The following AAMDC variants were observed in gnomAD, a reference collection of about 807,000 sequenced individuals.
AAMDC encodes adipogenesis associated Mth938 domain containing.
Under a neutral mutation model 15.5 loss-of-function variants are expected in AAMDC, and 16 were observed. That is an observed-to-expected ratio of 1.03 (90% CI 0.70 to 1.57). The LOEUF (loss-of-function observed/expected upper bound fraction) is 1.57, where lower values mean the gene tolerates loss of function less well. AAMDC is among the 40% of genes most tolerant of loss of function. AAMDC has a pLI of 0.00. For missense variants in AAMDC, 141 were observed against 144.9 expected (o/e 0.97, Z 0.14); for synonymous variants, 51 against 51.6 (o/e 0.99, Z 0.05).
chr11:77,893,728 A>C (rs1158416079), intron 5 of AAMDC, among the ~76,000 whole-genome samples: 1 of 152,022 alleles, frequency 6.6e-6, no homozygotes, highest in Non-Finnish European at 1.5e-5. Context: ...CCCCGTCTCT[A>C]CTAAAAATAC....
In AAMDC at chr11:77,887,054, C is replaced by T. The variant is rs551281423; in HGVS notation, c.328+10005C>T. Among the ~76,000 whole-genome samples the T allele has an allele frequency of 2.4e-3, 367 of 151,896 alleles. 2 individuals carry two copies. Among genetic ancestry groups the T allele is most frequent in the African/African-American group, 8.7e-3 (362 of 41,440 alleles). On this transcript the variant is annotated intron_variant, in intron 5 of 5. Coordinates refer to the AAMDC transcript ENST00000304716. The stretch of plus-strand genomic sequence containing the variant: ...ATTAAAAGAACTAGAAAAGCAAGAG[C>T]AAACACATTCAAAAGCTAGCAGAAG...
rs549185017 is a variant in AAMDC, at chr11:77,834,778, G to A, written c.-18-7701G>A. Among the ~76,000 whole-genome samples the A allele has an allele frequency of 2.0e-3, 302 of 152,228 alleles. 1 individual carries two copies. Among genetic ancestry groups the A allele is most frequent in the Non-Finnish European group, 3.5e-3 (236 of 68,022 alleles). Reference sequence around the variant, plus strand: ...AAAGACTGAATAAGTACTTGCAGAAGAATGTTTCTAGTATCAAGATAAGGA... The same window carrying A: ...AAAGACTGAATAAGTACTTGCAGAAAAATGTTTCTAGTATCAAGATAAGGA... On this transcript the variant is annotated intron_variant, in intron 1 of 3. Transcript: ENST00000393427.
chr11:77,882,269 A>G (rs1414105215), intron 5 of AAMDC, among the ~76,000 whole-genome samples: 3 of 152,106 alleles, frequency 2.0e-5, no homozygotes, highest in Non-Finnish European at 2.9e-5. Context: ...CAAAACAAGG[A>G]AGTCTGCAAT....
intron 2 of AAMDC, among the ~76,000 whole-genome samples, chr11:77,867,481 C>T (rs1951171346): frequency 6.6e-6 from 1 of 152,202 alleles, no homozygotes; most frequent in Admixed American, 6.5e-5. Flanking sequence ...CTGAATGAAA[C>T]TCCATGGAAC....
chr11:77,851,378 A>G (rs1305950193), intron 2 of AAMDC: 2 of 152,222 alleles, frequency 1.3e-5, no homozygotes, highest in African/African-American at 4.8e-5. Flanking sequence ...CTTCTGCTCA[A>G]GACAGTTCTT....
chr11:77,870,184 AT>A lies in AAMDC; in HGVS notation c.228+381del, dbSNP rs1180735263. 9.3e-4 allele frequency: 134 copies of A among 143,452 alleles called. 1 individual carries two copies. Among genetic ancestry groups the A allele is most frequent in the Middle Eastern group, 3.5e-3 (1 of 286 alleles). 8.9% of individuals were successfully genotyped at this position (143,452 alleles called of 1,614,324 possible). A position where few individuals can be genotyped will look rare whatever the true frequency, so the allele number is the denominator to read the frequency against. On this transcript the variant is annotated intron_variant, in intron 3 of 3. Coordinates refer to ENST00000393427, the MANE Select transcript of AAMDC (RefSeq NM_024684.4). The stretch of plus-strand genomic sequence containing the variant: ...CCTCTTCAGAAAAAAATTTAATTTA[AT>A]TTTTTTTTTTTTTAAATATAGATGG...
chr11:77,831,378 A>G (rs1949417951), intron 1 of AAMDC, among the ~76,000 whole-genome samples: 1 of 152,220 alleles, frequency 6.6e-6, no homozygotes. Context: ...TGTCCATGAA[A>G]AAATTTTTAC....
chr11:77,852,105 A>T (rs563104376), intron 2 of AAMDC, among the ~76,000 whole-genome samples: 7 of 151,480 alleles, frequency 4.6e-5, no homozygotes, highest in Non-Finnish European at 8.8e-5. Flanking sequence ...AGTGGCTCAC[A>T]TCTGTAATCC....
chr11:77,905,646 A>C (rs1347206503), downstream of AAMDC, among the ~76,000 whole-genome samples: 1 of 152,206 alleles, frequency 6.6e-6, no homozygotes, highest in Non-Finnish European at 1.5e-5. Context: ...GCATTTGTGA[A>C]AGATAAAATT....
intron 5 of AAMDC, among the ~76,000 whole-genome samples, chr11:77,880,136 A>G (rs958706427): frequency 6.6e-6 from 1 of 152,232 alleles, no homozygotes; most frequent in African/African-American, 2.4e-5. Flanking sequence ...TGTCTCCTTA[A>G]TTTGGTGCAA....
Position 77,821,198 on chromosome 11 carries a change from A to C in AAMDC, c.-62A>C, listed in dbSNP as rs1948880608. On this transcript the variant is annotated 5_prime_UTR_variant, in exon 1 of 4. Coordinates refer to ENST00000393427, the MANE Select transcript of AAMDC (RefSeq NM_024684.4). ...CTGGGAGCGTAAGTGCGGGCAGAGC[A>C]CTGCGCCGTTTGGGAACGCAACTTT... 3.1e-6 allele frequency: 1 copy of C among 325,484 alleles called. No individual in the cohort carries two copies. The highest frequency in any genetic ancestry group is 2.1e-5 in the African/African-American group (1 of 47,072). The allele number at this position is 325,484 out of a possible 1,614,324, so 20.2% of individuals were successfully genotyped here.
intron 1 of AAMDC, among the ~76,000 whole-genome samples, chr11:77,840,250 A>G (rs2136125558): frequency 6.6e-6 from 1 of 152,268 alleles, no homozygotes; most frequent in East Asian, 1.9e-4. Flanking sequence ...AATTAAAAGT[A>G]TCTTTAAGTG....
At chr11:77,869,876 C>G in intron 3 of AAMDC, 59 bp downstream of exon 3, 1 of 1,522,074 alleles carries the variant, frequency 6.6e-7, no homozygotes, top group Non-Finnish European at 9.1e-7. Flanking sequence ...GGGCCTTTGT[C>G]TTACAGACTT....
At chr11:77,850,226 G>A (rs1179653696) in intron 2 of AAMDC, among the ~76,000 whole-genome samples, 1 of 152,192 alleles carries the variant, frequency 6.6e-6, no homozygotes, top group African/African-American at 2.4e-5. Context: ...GTAAGAAAAT[G>A]TAAGGTCTTC....
intron 5 of AAMDC, among the ~76,000 whole-genome samples, chr11:77,897,760 C>T (rs1952594560): frequency 6.6e-6 from 1 of 152,026 alleles, no homozygotes. Context: ...CCGATTCGGC[C>T]TCCCAAAGTG....
downstream of AAMDC, among the ~76,000 whole-genome samples, chr11:77,902,055 C>T (rs1338334345): frequency 1.3e-5 from 2 of 152,156 alleles, no homozygotes; most frequent in African/African-American, 4.8e-5. Context: ...AGATCAAGTC[C>T]CCGATCTTGC....
chr11:77,827,636 A>G (rs1229455965), intron 1 of AAMDC, among the ~76,000 whole-genome samples: 1 of 152,258 alleles, frequency 6.6e-6, no homozygotes, highest in Non-Finnish European at 1.5e-5. Context: ...CAGCCTGATT[A>G]AGAGCATTAT....
intron 2 of AAMDC, among the ~76,000 whole-genome samples, chr11:77,868,392 C>T (rs1368891654): frequency 4.5e-5 from 4 of 88,336 alleles, no homozygotes; most frequent in Non-Finnish European, 6.3e-5. Flanking sequence ...AAGTCTTGGT[C>T]TTGTTGCCCA....
downstream of AAMDC, among the ~76,000 whole-genome samples, chr11:77,877,295 A>G (rs1485673466): frequency 6.6e-6 from 1 of 152,248 alleles, no homozygotes; most frequent in African/African-American, 2.4e-5. Context: ...ACTGCCAGGT[A>G]CACCCAAGTA....
Sources: gnomAD v4.1 joint callset for allele counts (sites outside exome capture counted in the v4.1 genomes callset) on GRCh38, gnomAD v4.1.1 for gene constraint, MANE v1.5 for transcripts, NCBI Gene and HGNC (gene_info 2026-07-23, HGNC 2026-07-21) for gene names.